PISD: variants seen among roughly 807,000 people sequenced by gnomAD.
PISD encodes the protein phosphatidylserine decarboxylase proenzyme, mitochondrial.
PISD carries 31 observed loss-of-function variants against 43.5 expected under a neutral mutation model. The observed-to-expected ratio is 0.71, with a 90% CI of 0.54 to 0.96. PISD has a LOEUF of 0.96. Ranked by LOEUF, PISD falls within the 40% of genes least tolerant of loss-of-function variation. The pLI is 0.00. For missense variants in PISD, 523 were observed against 548.4 expected (o/e 0.95, Z 0.46); for synonymous variants, 259 against 228.7 (o/e 1.13, Z -1.20).
chr22:31,650,541 AG>A lies in PISD; in HGVS notation c.145+157del, dbSNP rs1438596083. On this transcript the variant is annotated intron_variant, in intron 2 of 7. Coordinates refer to ENST00000439502, the MANE Select transcript of PISD (RefSeq NM_001326411.2). ...AAGACTGTCTCAAAAAAAAAAAAAA[AG>A]AAAAAGAAAACCTAACGCTTCAGTG... 4.0e-5 allele frequency among the ~76,000 whole-genome samples: 6 copies of A among 151,462 alleles called. 1 individual carries two copies. The highest frequency in any genetic ancestry group is 2.9e-5 in the Non-Finnish European group (2 of 67,854).
intron 3 of PISD, among the ~76,000 whole-genome samples, chr22:31,645,720 A>G (rs2073866106): frequency 1.3e-5 from 2 of 149,492 alleles, no homozygotes; most frequent in South Asian, 2.1e-4. Flanking sequence ...TTAGCTGGGC[A>G]TAACGGCAGG....
intron 3 of PISD, chr22:31,628,031 G>C (rs976368594): frequency 5.1e-6 from 5 of 985,496 alleles, no homozygotes; most frequent in Non-Finnish European, 6.0e-6. Flanking sequence ...AGGGCAGGGC[G>C]TCCTTGCCCA....
intron 2 of PISD, among the ~76,000 whole-genome samples, chr22:31,649,373 C>T (rs1569491758): frequency 6.6e-6 from 1 of 152,152 alleles, no homozygotes; most frequent in South Asian, 2.1e-4. Flanking sequence ...AAGTTCTAAC[C>T]CTGAGTACCT....
At chr22:31,658,115 T>C (rs752695282) in intron 1 of PISD, among the ~76,000 whole-genome samples, 3 of 152,254 alleles carry the variant, frequency 2.0e-5, no homozygotes, top group Non-Finnish European at 2.9e-5. Context: ...GGGGTTTATC[T>C]GTGTTCTCAC....
Position 31,619,631 on chromosome 22 carries a change from T to TC in PISD, c.1210dup (p.Glu404GlyfsTer12). The TC allele has an allele frequency of 3.1e-6, 5 of 1,614,000 alleles. No homozygotes were observed. Among genetic ancestry groups the TC allele is most frequent in the Non-Finnish European group, 4.2e-6 (5 of 1,179,880 alleles). ...GAGACTCTAGAGCGAGCCCAGGGCT[T>TC]CCCCAAAGCGGATTTTCTGTCCTGT... is the stretch of plus-strand genomic sequence containing the variant. On this transcript the variant is annotated frameshift_variant, in exon 8 of 8. Coordinates refer to ENST00000439502, the MANE Select transcript of PISD (RefSeq NM_001326411.2). LOFTEE classifies it high-confidence loss of function.
intron 3 of PISD, among the ~76,000 whole-genome samples, chr22:31,632,985 TAC>T (rs1312632844): frequency 6.6e-6 from 1 of 152,200 alleles, no homozygotes; most frequent in African/African-American, 2.4e-5. Flanking sequence ...ATTGAGAACT[TAC>T]TGTAACTGAT....
intron 3 of PISD, among the ~76,000 whole-genome samples, chr22:31,637,157 A>T (rs1601392153): frequency 2.7e-5 from 1 of 36,950 alleles, no homozygotes; most frequent in Non-Finnish European, 5.3e-5. Context: ...AAAAAAAAAA[A>T]AAAAAAAATA....
chr22:31,650,626 A>G (rs2074005803), intron 2 of PISD, 73 bp downstream of exon 2: 2 of 831,224 alleles, frequency 2.4e-6, no homozygotes, highest in Non-Finnish European at 4.0e-6. Flanking sequence ...CAACAACCCT[A>G]TGTTTATCCC....
intron 3 of PISD, chr22:31,638,374 G>C: frequency 1.7e-5 from 17 of 985,502 alleles, no homozygotes; most frequent in Non-Finnish European, 2.0e-5. Flanking sequence ...ACCTCCACTT[G>C]ACCTAACTGC....
intron 1 of PISD, among the ~76,000 whole-genome samples, chr22:31,654,421 C>A (rs1331369235): frequency 2.6e-5 from 4 of 152,164 alleles, no homozygotes; most frequent in African/African-American, 4.8e-5. Context: ...GAACCATCCA[C>A]TGATGACTCC....
At chr22:31,638,798 T>C (rs1004904838) in intron 3 of PISD, 1 of 158,102 alleles carries the variant, frequency 6.3e-6, no homozygotes, top group Non-Finnish European at 1.3e-5. Flanking sequence ...ATTTTTCTTT[T>C]CTTTTCCATT....
At chr22:31,659,660 C>T (rs1465598950) in intron 1 of PISD, among the ~76,000 whole-genome samples, 5 of 151,874 alleles carry the variant, frequency 3.3e-5, no homozygotes, top group African/African-American at 4.8e-5. Flanking sequence ...GGCGTGATCT[C>T]GGCTCACTGC....
At chr22:31,629,169 G>T (rs2073066524) in intron 3 of PISD, 1 of 985,218 alleles carries the variant, frequency 1.0e-6, no homozygotes. Flanking sequence ...TGAAGTCGAT[G>T]AATGACCCCA....
At chr22:31,623,657 G>A (rs770786006) in intron 3 of PISD, 31 of 1,597,814 alleles carry the variant, frequency 1.9e-5, no homozygotes, top group African/African-American at 1.3e-4. Flanking sequence ...AGGGAGGTCC[G>A]AGCCACAGGG....
rs758199007 is a variant in PISD at position 31,621,476 on chromosome 22, G to A, written c.559-4C>T. ...TCCTTCCATCCGATGGGCTAATCTG[G>A]AAGGGCAGGAGAGGCTTGCTGCCAG... On this transcript the variant is annotated splice_polypyrimidine_tract_variant and splice_region_variant and intron_variant, in intron 4 of 7. Coordinates refer to ENST00000439502, the MANE Select transcript of PISD (RefSeq NM_001326411.2). The A allele has an allele frequency of 1.1e-5, 17 of 1,614,090 alleles. No individual in the cohort carries two copies. The highest frequency in any genetic ancestry group is 8.3e-5 in the Admixed American group (5 of 60,022).
chr22:31,620,485 A>G, intron 7 of PISD, 68 bp downstream of exon 7: 2 of 1,513,270 alleles, frequency 1.3e-6, no homozygotes. Flanking sequence ...TCCGCCGCAC[A>G]GCAGACAAGG....
intron 3 of PISD, among the ~76,000 whole-genome samples, chr22:31,624,935 G>T (rs1158986594): frequency 6.6e-6 from 1 of 152,108 alleles, no homozygotes; most frequent in African/African-American, 2.4e-5. Flanking sequence ...ACCCCACCCT[G>T]TCTGTGCCTA....
Position 31,620,563 on chromosome 22 carries a change from T to C in PISD, c.995A>G (p.Tyr332Cys), listed in dbSNP as rs748685896. The C allele has an allele frequency of 6.2e-7, 1 of 1,614,170 alleles. No individual in the cohort carries two copies. Among genetic ancestry groups the C allele is most frequent in the Non-Finnish European group, 8.5e-7 (1 of 1,180,014 alleles). Residue 332 changes from tyrosine to cysteine, a missense_variant, in exon 7 of 8, where the codon TAC becomes TGC. By Grantham distance (194) the Tyr-to-Cys change is radical. Coordinates refer to ENST00000439502, the MANE Select transcript of PISD (RefSeq NM_001326411.2). ...GATNVGSIRIYFDRDLHTNSP... is the reference protein window; with the variant it reads ...GATNVGSIRICFDRDLHTNSP... Reference sequence around the variant, plus strand: ...CTAGATCCTGCTTACCCGGTCAAAGTAGATGCGAATGGAGCCCACGTTGGT... The same window carrying C: ...CTAGATCCTGCTTACCCGGTCAAAGCAGATGCGAATGGAGCCCACGTTGGT...
intron 3 of PISD, among the ~76,000 whole-genome samples, chr22:31,644,242 C>CTT (rs571185716): frequency 0.019 from 2,697 of 139,146 alleles, 38 homozygotes; most frequent in African/African-American, 0.041. Flanking sequence ...ATAATTTTTT[C>CTT]TTTTTTTTTT....
Sources: allele counts gnomAD v4.1 joint callset (sites outside exome capture counted in the v4.1 genomes callset), GRCh38; gene constraint gnomAD v4.1.1; transcripts MANE v1.5; gene names NCBI Gene and HGNC (gene_info 2026-07-23, HGNC 2026-07-21).